The following WDR72 variants were observed in gnomAD, a reference collection of about 807,000 sequenced individuals.
The protein encoded by WDR72 is WD repeat-containing protein 72.
A neutral mutation model predicts 124.2 loss-of-function variants in WDR72; 120 were observed. That is an observed-to-expected ratio of 0.97 (90% CI 0.83 to 1.12). WDR72 has a LOEUF of 1.12. Among genes scored for constraint, WDR72 ranks in the 50% most tolerant of loss-of-function variants. The probability of loss-of-function intolerance (pLI) is 0.00; values close to 1 mark genes in which losing one functional copy is unlikely to be tolerated. For missense variants in WDR72, 1,387 were observed against 1,278.8 expected, an observed-to-expected ratio of 1.08 and a Z score of -1.29; for synonymous variants, 452 against 441.7, an observed-to-expected ratio of 1.02 and a Z score of -0.29.
chr15:53,695,087 T>C (rs1049674901), intron 13 of WDR72, among the ~76,000 whole-genome samples: 1 of 152,202 alleles, frequency 6.6e-6, no homozygotes, highest in Non-Finnish European at 1.5e-5. Context: ...GAAAAAAGTG[T>C]TTCTGATCCA....
chr15:53,657,286 A>AAAAAAG (rs1567009339), intron 14 of WDR72, among the ~76,000 whole-genome samples: 1 of 150,426 alleles, frequency 6.6e-6, no homozygotes, highest in African/African-American at 2.4e-5. Flanking sequence ...AAAAAAAAAA[A>AAAAAAG]AAAGAAAGAA....
chr15:53,632,075 G>A (rs1440245656), intron 14 of WDR72, among the ~76,000 whole-genome samples: 2 of 152,100 alleles, frequency 1.3e-5, no homozygotes, highest in Non-Finnish European at 2.9e-5. Flanking sequence ...CCAAGACAAT[G>A]AGGAGAAGTC....
At chr15:53,605,748 G>C (rs2013253418) in intron 17 of WDR72, among the ~76,000 whole-genome samples, 1 of 152,100 alleles carries the variant, frequency 6.6e-6, no homozygotes, top group South Asian at 2.1e-4. Context: ...CCAGCTACTT[G>C]GGAGGATGAG....
chr15:53,727,092 A>G (rs1265925407), intron 2 of WDR72, among the ~76,000 whole-genome samples: 1 of 151,964 alleles, frequency 6.6e-6, no homozygotes, highest in African/African-American at 2.4e-5. Context: ...CGGGTGGATC[A>G]CTTGAGGTCA....
rs752105871 is a variant in WDR72 at position 53,597,060 on chromosome 15, C to A, written c.3148+19G>T. The A allele has an allele frequency of 4.3e-6, 7 of 1,611,828 alleles. No individual in the cohort carries two copies. The South Asian group carries it at 6.6e-5, about 15-fold the overall frequency. On this transcript the variant is annotated intron_variant, in intron 18 of 19. Coordinates refer to ENST00000360509, the MANE Select transcript of WDR72 (RefSeq NM_182758.4). The stretch of plus-strand genomic sequence containing the variant: ...GAAAAGTTCTGTTGAAAGAGTATAC[C>A]AATAAATTTTGTACTTACTTTGCAG...
At chr15:53,667,516 A>G (rs2015822029) in intron 13 of WDR72, among the ~76,000 whole-genome samples, 1 of 152,216 alleles carries the variant, frequency 6.6e-6, no homozygotes, top group African/African-American at 2.4e-5. Context: ...AGCTGACAGC[A>G]ACATCAAGAA....
chr15:53,700,614 C>G (rs1006885584), intron 12 of WDR72, among the ~76,000 whole-genome samples: 1 of 152,162 alleles, frequency 6.6e-6, no homozygotes. Flanking sequence ...AATGATCTAG[C>G]CAGAAATTTG....
At chr15:53,699,725 T>C in intron 13 of WDR72, 25 bp downstream of exon 13, 5 of 1,610,084 alleles carry the variant, frequency 3.1e-6, no homozygotes, top group Non-Finnish European at 4.2e-6. Flanking sequence ...ATATAAAGAA[T>C]GAAAGGGATA....
intron 14 of WDR72, among the ~76,000 whole-genome samples, chr15:53,650,075 T>A (rs1189207358): frequency 6.6e-6 from 1 of 151,540 alleles, no homozygotes; most frequent in Non-Finnish European, 1.5e-5. Flanking sequence ...AGAGAAATTT[T>A]GATATATACA....
At chr15:53,525,840 G>C (rs1327132560) in intron 18 of WDR72, among the ~76,000 whole-genome samples, 1 of 152,034 alleles carries the variant, frequency 6.6e-6, no homozygotes, top group African/African-American at 2.4e-5. Context: ...TACAAGATTT[G>C]TCATTTTTAC....
intron 13 of WDR72, chr15:53,684,542 C>G (rs191131457): frequency 1.8e-4 from 29 of 160,768 alleles, no homozygotes; most frequent in African/African-American, 6.0e-4. Context: ...TATCCTGCAC[C>G]TGGCTCGGAG....
intron 1 of WDR72, among the ~76,000 whole-genome samples, chr15:53,736,792 C>T (rs1474008176): frequency 6.6e-6 from 1 of 152,094 alleles, no homozygotes; most frequent in Admixed American, 6.5e-5. Flanking sequence ...GGCATCCACA[C>T]AGAGGACAGG....
At chr15:53,535,323 C>A (rs1386828165) in intron 18 of WDR72, among the ~76,000 whole-genome samples, 1 of 152,070 alleles carries the variant, frequency 6.6e-6, no homozygotes. Context: ...AGAGATTCTC[C>A]CTTACCTCTT....
intron 1 of WDR72, among the ~76,000 whole-genome samples, chr15:53,743,205 C>G (rs945329159): frequency 1.4e-4 from 21 of 151,378 alleles, no homozygotes; most frequent in Non-Finnish European, 2.8e-4. Flanking sequence ...AAAAATAATT[C>G]TAAGAAAAAA....
intron 17 of WDR72, among the ~76,000 whole-genome samples, chr15:53,602,250 A>G (rs1341009212): frequency 1.3e-5 from 2 of 152,180 alleles, no homozygotes; most frequent in African/African-American, 2.4e-5. Flanking sequence ...TGGGTAAATG[A>G]CATTAAGGCA....
At chr15:53,714,971 T>C (rs567053578) in intron 5 of WDR72, among the ~76,000 whole-genome samples, 1 of 152,258 alleles carries the variant, frequency 6.6e-6, no homozygotes, top group East Asian at 1.9e-4. Flanking sequence ...TTCTCCTCTT[T>C]CCCCCTCATC....
Position 53,559,633 on chromosome 15 carries a change from A to G in WDR72, c.3149-36311T>C, listed in dbSNP as rs2140291816. Among the ~76,000 whole-genome samples, 3 of 152,168 alleles carry G rather than the reference A, an allele frequency of 2.0e-5. No homozygotes were observed. In the Middle Eastern group the frequency reaches 0.01, roughly 518 times the overall value. On this transcript the variant is annotated intron_variant, in intron 18 of 19. Transcript: ENST00000360509. Reference sequence around the variant, plus strand: ...GTGATCCTGACTACCGTTCTTACACAGGAGGACAAAACCAATAGGAAATTT... The same window carrying G: ...GTGATCCTGACTACCGTTCTTACACGGGAGGACAAAACCAATAGGAAATTT...
chr15:53,611,272 C>T (rs913317829), intron 16 of WDR72, among the ~76,000 whole-genome samples: 4 of 152,020 alleles, frequency 2.6e-5, no homozygotes, highest in Non-Finnish European at 5.9e-5. Context: ...AAACATGTTT[C>T]CCTACTCCTT....
chr15:53,535,519 A>G (rs769958548), intron 18 of WDR72, among the ~76,000 whole-genome samples: 13 of 152,124 alleles, frequency 8.5e-5, no homozygotes, highest in Non-Finnish European at 1.3e-4. Context: ...TAAAACCCTA[A>G]AGGTCTTAGA....
Sources: allele counts gnomAD v4.1 joint callset (sites outside exome capture counted in the v4.1 genomes callset), GRCh38; gene constraint gnomAD v4.1.1; transcripts MANE v1.5; gene names NCBI Gene and HGNC (gene_info 2026-07-23, HGNC 2026-07-21).